The following ROBO2 variants were observed in gnomAD, a reference collection of about 807,000 sequenced individuals.
ROBO2 encodes the protein roundabout guidance receptor 2, also known as roundabout homolog 2.
ROBO2 carries 53 observed loss-of-function variants against 160.8 expected under a neutral mutation model. That is an observed-to-expected ratio of 0.33 (90% confidence interval 0.26 to 0.41). The LOEUF (loss-of-function observed/expected upper bound fraction) is 0.41, where lower values mean the gene tolerates loss of function less well. ROBO2 is among the 10% of genes least tolerant of loss of function. The pLI is 1.00. For missense variants in ROBO2, 1,577 were observed against 1,722.4 expected (o/e 0.92, Z 1.49); for synonymous variants, 664 against 611.7 (o/e 1.09, Z -1.26).
Position 76,206,163 on chromosome 3 carries a change from G to A in ROBO2, c.109+268561G>A, listed in dbSNP as rs554200961. Among the ~76,000 whole-genome samples the A allele has an allele frequency of 4.0e-4, 8 of 19,802 alleles. No individual in the cohort carries two copies. In the South Asian group the frequency reaches 0.012, roughly 29 times the overall value. 13.0% of individuals were successfully genotyped at this position (19,802 alleles called of 152,430 possible). ...ACCTGCAGCCCGCTAAAGCACAAAA[G>A]CCTTTAGAACTTCTTACTTGACCTG... On this transcript the variant is annotated intron_variant, in intron 2 of 26. Transcript: ENST00000487694.
rs193174813 is a variant in ROBO2, at chr3:77,150,243, C to T, written c.388+51903C>T. 3.5e-3 allele frequency among the ~76,000 whole-genome samples: 530 copies of T among 152,182 alleles called. 14 individuals are homozygous for T. Among genetic ancestry groups the T allele is most frequent in the Admixed American group, 0.031 (472 of 15,284 alleles). On this transcript the variant is annotated intron_variant, in intron 2 of 25. Coordinates refer to ENST00000461745, the Ensembl canonical transcript of ROBO2. ...TTTTAACCAGGCCGAGTGGAGATGA[C>T]GGATGTGACAGCTCTCAGTTAAAAT... is the stretch of plus-strand genomic sequence containing the variant.
intron 2 of ROBO2, among the ~76,000 whole-genome samples, chr3:76,964,510 T>G (rs1450130483): frequency 1.3e-5 from 2 of 152,126 alleles, no homozygotes; most frequent in East Asian, 3.9e-4. Flanking sequence ...GCCCGGCTAA[T>G]TTTTTGTAGT....
chr3:76,650,558 C>G (rs1360400919), intron 2 of ROBO2, among the ~76,000 whole-genome samples: 1 of 151,142 alleles, frequency 6.6e-6, no homozygotes, highest in East Asian at 1.9e-4. Context: ...ATTCTAAGCT[C>G]TGTTTGCTGA....
At chr3:76,435,440 C>G in intron 2 of ROBO2, 1 of 770,538 alleles carries the variant, frequency 1.3e-6, no homozygotes, top group South Asian at 1.4e-5. Flanking sequence ...CAAAGTGTCT[C>G]TGGGTTCTTT....
At chr3:76,325,250 T>C (rs188695926) in intron 2 of ROBO2, among the ~76,000 whole-genome samples, 1 of 152,336 alleles carries the variant, frequency 6.6e-6, no homozygotes, top group Non-Finnish European at 1.5e-5. Context: ...GCTCAGAGCC[T>C]TCATTATGAA....
intron 17 of ROBO2, among the ~76,000 whole-genome samples, chr3:77,590,836 T>C (rs951498316): frequency 6.6e-6 from 1 of 152,156 alleles, no homozygotes; most frequent in African/African-American, 2.4e-5. Flanking sequence ...TGCACTTAAA[T>C]TGAAAATATA....
chr3:77,314,926 T>G (rs1177488348), intron 2 of ROBO2, among the ~76,000 whole-genome samples: 2 of 152,222 alleles, frequency 1.3e-5, no homozygotes, highest in Non-Finnish European at 2.9e-5. Flanking sequence ...ATGTTTTCTC[T>G]TTACAACAAT....
intron 5 of ROBO2, 103 bp downstream of exon 5, chr3:77,493,485 G>A (rs2086397294): frequency 3.1e-6 from 4 of 1,277,490 alleles, no homozygotes; most frequent in Non-Finnish European, 4.5e-6. Flanking sequence ...ATGTCTTGGG[G>A]TACTTTCACT....
intron 24 of ROBO2, among the ~76,000 whole-genome samples, chr3:77,643,236 T>C (rs1184074910): frequency 2.0e-5 from 3 of 152,212 alleles, no homozygotes; most frequent in Admixed American, 6.5e-5. Context: ...TTATATTGAG[T>C]ACTTTAAAGA....
chr3:77,434,702 T>C (rs910825466), intron 2 of ROBO2, among the ~76,000 whole-genome samples: 2 of 152,128 alleles, frequency 1.3e-5, no homozygotes, highest in African/African-American at 4.8e-5. Flanking sequence ...GAAAAGTTGA[T>C]GAGTTCCAGC....
chr3:77,478,800 TAAAAC>T (rs2084341594), intron 3 of ROBO2, among the ~76,000 whole-genome samples: 1 of 152,162 alleles, frequency 6.6e-6, no homozygotes. Context: ...GATTACAACA[TAAAAC>T]AGAACTAGAT....
At chr3:77,431,349 T>A (rs747492805) in intron 2 of ROBO2, among the ~76,000 whole-genome samples, 72 of 152,330 alleles carry the variant, frequency 4.7e-4, no homozygotes, top group South Asian at 2.3e-3. Context: ...AGAAATAATA[T>A]AGGAATCCAT....
chr3:77,641,421 G>A (rs1312082274), intron 24 of ROBO2, among the ~76,000 whole-genome samples: 2 of 152,172 alleles, frequency 1.3e-5, no homozygotes, highest in Non-Finnish European at 2.9e-5. Context: ...GAAAGGAGCG[G>A]CTTAGCTGAC....
intron 2 of ROBO2, among the ~76,000 whole-genome samples, chr3:76,659,010 A>G (rs1349012): frequency 0.84 from 127,466 of 152,040 alleles, 53,827 homozygotes; most frequent in African/African-American, 0.93. Flanking sequence ...TGAGGCCTTC[A>G]TTCAAAGGAT....
chr3:76,090,841 G>A (rs945334707), intron 2 of ROBO2, among the ~76,000 whole-genome samples: 3 of 152,164 alleles, frequency 2.0e-5, no homozygotes, highest in African/African-American at 4.8e-5. Flanking sequence ...AGGCAATACA[G>A]TGGAGCAAAT....
rs575852774 is a variant in ROBO2 at position 76,164,735 on chromosome 3, C to T, written c.109+227133C>T. 3.2e-4 allele frequency among the ~76,000 whole-genome samples: 48 copies of T among 152,180 alleles called. No individual in the cohort carries two copies. In the South Asian group the frequency reaches 7.9e-3, roughly 25 times the overall value. On this transcript the variant is annotated intron_variant, in intron 2 of 26. Transcript: ENST00000487694. ...GCTTTGTTGATCCATTTACAGGGCA[C>T]GGGAAGAGAATATTTGCATACTTTT...
chr3:76,300,684 T>C (rs1260154419), intron 2 of ROBO2, among the ~76,000 whole-genome samples: 2 of 152,114 alleles, frequency 1.3e-5, no homozygotes, highest in African/African-American at 2.4e-5. Flanking sequence ...AGCATAATTA[T>C]TTAAAATATT....
In ROBO2 at chr3:77,614,400, T is replaced by TG. The variant is rs1490067305; in HGVS notation, c.3294-3110dup. Among the ~76,000 whole-genome samples, 7 of 152,334 alleles carry TG rather than the reference T, an allele frequency of 4.6e-5. No individual in the cohort carries two copies. The East Asian group carries it at 1.2e-3, about 25-fold the overall frequency. On this transcript the variant is annotated intron_variant, in intron 21 of 25. Coordinates refer to ENST00000461745, the Ensembl canonical transcript of ROBO2. ...AGCACTCATTATATAGTCAATTAAA[T>TG]GGGAATACAGTTTAAATGATGGTAT... is the stretch of plus-strand genomic sequence containing the variant.
intron 2 of ROBO2, among the ~76,000 whole-genome samples, chr3:76,953,067 TA>T (rs2079050849): frequency 6.6e-6 from 1 of 152,164 alleles, no homozygotes. Flanking sequence ...GATAGAAAAT[TA>T]AAAGCTAATG....
Sources: gnomAD v4.1 joint callset for allele counts (sites outside exome capture counted in the v4.1 genomes callset) on GRCh38, gnomAD v4.1.1 for gene constraint, MANE v1.5 for transcripts, NCBI Gene and HGNC (gene_info 2026-07-23, HGNC 2026-07-21) for gene names.